The following CYP2C19 variants were observed in gnomAD, a reference collection of about 807,000 sequenced individuals.
CYP2C19 encodes cytochrome P450 2C19.
In CYP2C19, 59 loss-of-function variants were observed where a neutral mutation model predicts 40.9. The ratio of observed to expected loss-of-function variants is 1.44; its 90% CI spans 1.17 to 1.79. The LOEUF (loss-of-function observed/expected upper bound fraction) is 1.79, where lower values mean the gene tolerates loss of function less well. CYP2C19 is among the 40% of genes most tolerant of loss of function. The probability of loss-of-function intolerance (pLI) is 0.00; values close to 1 mark genes in which losing one functional copy is unlikely to be tolerated. For missense variants in CYP2C19, 754 were observed against 596.9 expected (o/e 1.26, Z -2.74); for synonymous variants, 253 against 208.7 (o/e 1.21, Z -1.83).
intron 6 of CYP2C19, among the ~76,000 whole-genome samples, chr10:94,840,632 G>A (rs1361036790): frequency 6.6e-6 from 1 of 152,212 alleles, no homozygotes; most frequent in African/African-American, 2.4e-5. Context: ...TGGGTCAGAA[G>A]GAAAGGTAGG....
rs57891419 is a variant in CYP2C19, at chr10:94,779,240, T to A, written c.482-1259T>A. 8.2e-3 allele frequency among the ~76,000 whole-genome samples: 1,252 copies of A among 152,170 alleles called. 15 individuals carry two copies. Among genetic ancestry groups the A allele is most frequent in the African/African-American group, 0.029 (1,190 of 41,552 alleles). On this transcript the variant is annotated intron_variant, in intron 3 of 8. Transcript: ENST00000371321. ...GGCACATGTATACCTATGTAACAAA[T>A]CTGCACAATTCTGCACACGTGTCCC...
chr10:94,797,065 G>A (rs1233693187), intron 5 of CYP2C19, among the ~76,000 whole-genome samples: 2 of 152,072 alleles, frequency 1.3e-5, no homozygotes, highest in Non-Finnish European at 1.5e-5. Flanking sequence ...TCCCTGACTT[G>A]TGCCAGTTTT....
intron 5 of CYP2C19, among the ~76,000 whole-genome samples, chr10:94,797,124 G>T (rs531504693): frequency 3.9e-5 from 6 of 151,988 alleles, no homozygotes; most frequent in Non-Finnish European, 7.4e-5. Flanking sequence ...TATTGGCTGT[G>T]CATTTGTCAT....
chr10:94,782,540 A>C (rs764479488), intron 5 of CYP2C19, among the ~76,000 whole-genome samples: 1 of 152,160 alleles, frequency 6.6e-6, no homozygotes, highest in African/African-American at 2.4e-5. Flanking sequence ...ATCATTGTGG[A>C]AGGCAGTGTG....
intron 6 of CYP2C19, among the ~76,000 whole-genome samples, chr10:94,824,317 A>C: frequency 6.6e-6 from 1 of 152,200 alleles, no homozygotes; most frequent in East Asian, 1.9e-4. Flanking sequence ...TAAAATTTTC[A>C]TCTCATAATA....
intron 1 of CYP2C19, among the ~76,000 whole-genome samples, chr10:94,772,341 T>C (rs539412511): frequency 1.3e-5 from 2 of 152,156 alleles, no homozygotes; most frequent in Non-Finnish European, 2.9e-5. Context: ...CCCGGGTGCC[T>C]AAAGAAGGTA....
In CYP2C19 at chr10:94,855,248, C is replaced by G. The variant is rs1010991958; in HGVS notation, c.*2334C>G. On this transcript the variant is annotated 3_prime_UTR_variant, in exon 9 of 9. Transcript: ENST00000371321. ...TCATGTCCAGACATTATTTAGCCTA[C>G]CATACTATTATTATACCCATTTGAA... 6.6e-6 allele frequency among the ~76,000 whole-genome samples: 1 copy of G among 152,136 alleles called. No individual in the cohort carries two copies. The highest frequency in any genetic ancestry group is 2.4e-5 in the African/African-American group (1 of 41,434).
At chr10:94,815,711 G>A (rs1848991882) in intron 5 of CYP2C19, among the ~76,000 whole-genome samples, 1 of 152,032 alleles carries the variant, frequency 6.6e-6, no homozygotes, top group Admixed American at 6.6e-5. Context: ...AAAGTTGTCT[G>A]TTGCCTCCCA....
At chr10:94,771,913 C>T (rs1372509758) in intron 1 of CYP2C19, among the ~76,000 whole-genome samples, 1 of 152,074 alleles carries the variant, frequency 6.6e-6, no homozygotes, top group Non-Finnish European at 1.5e-5. Context: ...ATTTAGTGGC[C>T]CTTACCAATG....
At chr10:94,846,091 T>A (rs1050068430) in intron 7 of CYP2C19, among the ~76,000 whole-genome samples, 1 of 152,134 alleles carries the variant, frequency 6.6e-6, no homozygotes, top group Non-Finnish European at 1.5e-5. Context: ...ATTTCCCAAT[T>A]CTTAAGGAAC....
chr10:94,829,735 T>G (rs368156910), intron 6 of CYP2C19, among the ~76,000 whole-genome samples: 1 of 151,822 alleles, frequency 6.6e-6, no homozygotes, highest in Non-Finnish European at 1.5e-5. Flanking sequence ...GGCGCTCTGC[T>G]TTTTAGAGTT....
intron 3 of CYP2C19, among the ~76,000 whole-genome samples, chr10:94,776,789 A>T (rs868260420): frequency 9.2e-5 from 14 of 152,290 alleles, no homozygotes; most frequent in African/African-American, 3.4e-4. Flanking sequence ...TAGCTTTGGA[A>T]GTTCTCACCA....
chr10:94,777,308 T>C (rs1848421089), intron 3 of CYP2C19, among the ~76,000 whole-genome samples: 1 of 152,072 alleles, frequency 6.6e-6, no homozygotes, highest in South Asian at 2.1e-4. Flanking sequence ...CTACTTTAAA[T>C]TTCATATGGA....
chr10:94,775,683 G>A (rs1252468942), intron 3 of CYP2C19, 144 bp downstream of exon 3: 3 of 1,414,004 alleles, frequency 2.1e-6, no homozygotes, highest in African/African-American at 1.4e-5. Context: ...GAAGCTGAGA[G>A]CCAAGGGAAT....
At chr10:94,824,847 C>G (rs547486070) in intron 6 of CYP2C19, among the ~76,000 whole-genome samples, 35 of 139,918 alleles carry the variant, frequency 2.5e-4, no homozygotes, top group Admixed American at 9.6e-4. Context: ...TGATATTCCC[C>G]TTCCTGTGTC....
chr10:94,780,952 G>A lies in CYP2C19; in HGVS notation c.642+293G>A, dbSNP rs115568599. On this transcript the variant is annotated intron_variant, in intron 4 of 8. Transcript: ENST00000371321. ...AGTACTTTGGTGACAGCCCCAAAGC[G>A]TGCTTATATCACTCCATGGACATCC... 4.8e-3 allele frequency among the ~76,000 whole-genome samples: 724 copies of A among 152,182 alleles called. 3 individuals carry two copies. The highest frequency in any genetic ancestry group is 0.017 in the African/African-American group (696 of 41,544).
intron 5 of CYP2C19, among the ~76,000 whole-genome samples, chr10:94,793,846 T>A (rs923632130): frequency 6.6e-6 from 1 of 152,134 alleles, no homozygotes; most frequent in Non-Finnish European, 1.5e-5. Context: ...ATTCTCAGAT[T>A]TCAAACTTCC....
intron 5 of CYP2C19, among the ~76,000 whole-genome samples, chr10:94,807,536 G>C (rs754831338): frequency 6.6e-6 from 1 of 151,862 alleles, no homozygotes; most frequent in South Asian, 2.1e-4. Flanking sequence ...CTTTCTCTGC[G>C]TCCTCACCAG....
chr10:94,814,117 C>G (rs990442944), intron 5 of CYP2C19, among the ~76,000 whole-genome samples: 1 of 151,302 alleles, frequency 6.6e-6, no homozygotes. Flanking sequence ...ACTGCACCTA[C>G]TGTCTAAACA....
Sources: gnomAD v4.1 joint callset for allele counts (sites outside exome capture counted in the v4.1 genomes callset) on GRCh38, gnomAD v4.1.1 for gene constraint, MANE v1.5 for transcripts, NCBI Gene and HGNC (gene_info 2026-07-23, HGNC 2026-07-21) for gene names.